The following TRAM2 variants were observed in gnomAD, a reference collection of about 807,000 sequenced individuals.
The protein encoded by TRAM2 is translocating chain-associated membrane protein 2.
TRAM2 carries 12 observed loss-of-function variants against 51.0 expected under a neutral mutation model. The observed-to-expected ratio is 0.24, with a 90% CI of 0.15 to 0.38. The LOEUF (loss-of-function observed/expected upper bound fraction) is 0.38, where lower values mean the gene tolerates loss of function less well. Among genes scored for constraint, TRAM2 ranks in the 10% least tolerant of loss-of-function variants. The pLI is 1.00. For synonymous variants in TRAM2, 175 were observed against 179.4 expected, an observed-to-expected ratio of 0.98 and a Z score of 0.20; for missense variants, 361 against 462.0, an observed-to-expected ratio of 0.78 and a Z score of 2.00.
intron 1 of TRAM2, among the ~76,000 whole-genome samples, chr6:52,574,662 G>C (rs1767734218): frequency 6.6e-6 from 1 of 152,178 alleles, no homozygotes; most frequent in African/African-American, 2.4e-5. Context: ...TAAGGGGGAG[G>C]AAGAGTAGTT....
At chr6:52,503,580 C>G (rs1056590244) in intron 10 of TRAM2, among the ~76,000 whole-genome samples, 1 of 152,170 alleles carries the variant, frequency 6.6e-6, no homozygotes, top group Admixed American at 6.5e-5. Flanking sequence ...CCAGCCTGCC[C>G]AAGCCTGAGG....
rs1766222130 is a variant in TRAM2, at chr6:52,501,510, C to T, written c.*1687G>A. ...ATTCCTGCACCTACCAAGAACTACT[C>T]CCCTTTGCCTCAAAACAGAGTTCGG... On this transcript the variant is annotated 3_prime_UTR_variant, in exon 11 of 11. Coordinates refer to ENST00000182527, the MANE Select transcript of TRAM2 (RefSeq NM_012288.4). 2 of 152,344 alleles carry T rather than the reference C, an allele frequency of 1.3e-5. No individual in the cohort carries two copies. Among genetic ancestry groups the T allele is most frequent in the Middle Eastern group, 6.8e-3 (2 of 294 alleles). The allele number at this position is 152,344 out of a possible 1,614,324, so 9.4% of individuals were successfully genotyped here.
chr6:52,550,424 C>T (rs1159662410), intron 1 of TRAM2, among the ~76,000 whole-genome samples: 1 of 152,190 alleles, frequency 6.6e-6, no homozygotes, highest in Non-Finnish European at 1.5e-5. Flanking sequence ...CCTCAATTAC[C>T]CCACCTGTTT....
rs1177088653 is a variant in TRAM2, at chr6:52,501,089, A to G, written c.*2108T>C. ...GCTGTTTGACTAAAGTGGCTAAGGG[A>G]TCCCATATCAGGTCTGCTGTGTTGA... On this transcript the variant is annotated 3_prime_UTR_variant, in exon 11 of 11. Transcript: ENST00000182527. 1 of 152,176 alleles carries G rather than the reference A, an allele frequency of 6.6e-6. No homozygotes were observed. The highest frequency in any genetic ancestry group is 1.5e-5 in the Non-Finnish European group (1 of 68,038). 9.4% of individuals were successfully genotyped at this position (152,176 alleles called of 1,614,324 possible).
intron 1 of TRAM2, among the ~76,000 whole-genome samples, chr6:52,553,084 TAC>T (rs1767338975): frequency 6.6e-6 from 1 of 152,228 alleles, no homozygotes; most frequent in African/African-American, 2.4e-5. Flanking sequence ...GCCAGGCATA[TAC>T]ACACAAACAT....
chr6:52,503,172 G>T lies in TRAM2; in HGVS notation c.*25C>A, dbSNP rs375684959. Reference sequence around the variant, plus strand: ...CCCCCTGCTCGGCCCCCACCAAGAGGATTCCTGTTCTTAGCACTTTGGCCT... The same window carrying T: ...CCCCCTGCTCGGCCCCCACCAAGAGTATTCCTGTTCTTAGCACTTTGGCCT... On this transcript the variant is annotated 3_prime_UTR_variant, in exon 11 of 11. Transcript: ENST00000182527. 4.0e-4 allele frequency: 647 copies of T among 1,605,672 alleles called. 1 individual carries two copies. The highest frequency in any genetic ancestry group is 5.3e-4 in the Non-Finnish European group (622 of 1,172,672).
chr6:52,507,611 G>A lies in TRAM2; in HGVS notation c.568C>T (p.Arg190Cys), dbSNP rs1766373159. Residue 190 changes from arginine to cysteine, a missense_variant, in exon 7 of 11, where the codon CGC (arginine) becomes TGC (cysteine). Coordinates refer to ENST00000182527, the MANE Select transcript of TRAM2 (RefSeq NM_012288.4). ...TACAGGCAAATATACTGGAGCTGGC[G>A]GGGAATTTCCTCCTGGAAACAAGAG... is the stretch of plus-strand genomic sequence containing the variant. ...FQKVRKEEIP[R>C]QLQYICLYLV... is the part of the protein sequence containing the mutation. The A allele has an allele frequency of 5.0e-6, 8 of 1,614,090 alleles. No homozygotes were observed. Among genetic ancestry groups the A allele is most frequent in the East Asian group, 2.2e-5 (1 of 44,878 alleles).
chr6:52,527,386 AAAAAGAAAAG>A (rs559866440), intron 2 of TRAM2, among the ~76,000 whole-genome samples: 1 of 151,678 alleles, frequency 6.6e-6, no homozygotes, highest in Non-Finnish European at 1.5e-5. Flanking sequence ...TCAAAAAAAA[AAAAAGAAAAG>A]AAAAGAAAAG....
At chr6:52,571,148 C>G (rs1415703606) in intron 1 of TRAM2, among the ~76,000 whole-genome samples, 1 of 151,890 alleles carries the variant, frequency 6.6e-6, no homozygotes, top group Non-Finnish European at 1.5e-5. Context: ...TTAAGAGATA[C>G]TATCAGTAAA....
At chr6:52,505,504 G>C in intron 9 of TRAM2, 95 bp downstream of exon 9, 1 of 1,467,540 alleles carries the variant, frequency 6.8e-7, no homozygotes, top group Non-Finnish European at 9.1e-7. Flanking sequence ...ATATGTGGGA[G>C]ACTAAAGGGT....
At chr6:52,573,007 C>T (rs553448273) in intron 1 of TRAM2, among the ~76,000 whole-genome samples, 2 of 152,122 alleles carry the variant, frequency 1.3e-5, no homozygotes, top group Non-Finnish European at 2.9e-5. Context: ...AAAAAGAAAC[C>T]AAACCTACAA....
intron 1 of TRAM2, among the ~76,000 whole-genome samples, chr6:52,569,056 G>T (rs1028713243): frequency 6.6e-6 from 1 of 152,166 alleles, no homozygotes; most frequent in African/African-American, 2.4e-5. Flanking sequence ...TCCAGCCAGG[G>T]TTTCAATCAA....
intron 1 of TRAM2, among the ~76,000 whole-genome samples, chr6:52,549,861 G>A (rs908618699): frequency 6.6e-6 from 1 of 152,230 alleles, no homozygotes; most frequent in Non-Finnish European, 1.5e-5. Context: ...AAAGTTAGAT[G>A]TGTTGCACTA....
chr6:52,509,653 G>T, intron 4 of TRAM2, 67 bp from the exon 5 acceptor site: 2 of 1,474,112 alleles, frequency 1.4e-6, no homozygotes, highest in South Asian at 1.1e-5. Flanking sequence ...CCCTGGGACC[G>T]GTCCAGGGGT....
At chr6:52,533,255 G>A (rs1439827274) in intron 2 of TRAM2, among the ~76,000 whole-genome samples, 1 of 152,198 alleles carries the variant, frequency 6.6e-6, no homozygotes, top group Non-Finnish European at 1.5e-5. Flanking sequence ...TACATTTTAT[G>A]TTATATAGAT....
At chr6:52,543,419 A>T (rs893427350) in intron 1 of TRAM2, among the ~76,000 whole-genome samples, 1 of 152,252 alleles carries the variant, frequency 6.6e-6, no homozygotes, top group South Asian at 2.1e-4. Context: ...GGCAGAGTTC[A>T]TATTACTGGT....
intron 1 of TRAM2, 49 bp from the exon 2 acceptor site, chr6:52,535,895 A>G: frequency 1.3e-6 from 2 of 1,549,132 alleles, no homozygotes; most frequent in Non-Finnish European, 1.8e-6. Flanking sequence ...GCCACATCAA[A>G]AGAAACAAGT....
chr6:52,530,122 G>T (rs1346760498), intron 2 of TRAM2, among the ~76,000 whole-genome samples: 1 of 152,142 alleles, frequency 6.6e-6, no homozygotes, highest in Non-Finnish European at 1.5e-5. Flanking sequence ...CTTTTAAAAA[G>T]ATATTTATTG....
At chr6:52,553,297 T>C (rs1767343159) in intron 1 of TRAM2, among the ~76,000 whole-genome samples, 1 of 152,240 alleles carries the variant, frequency 6.6e-6, no homozygotes, top group East Asian at 1.9e-4. Context: ...TCAACAAATG[T>C]ATTTGGTAGA....
Sources: allele counts gnomAD v4.1 joint callset (sites outside exome capture counted in the v4.1 genomes callset), GRCh38; gene constraint gnomAD v4.1.1; transcripts MANE v1.5; gene names NCBI Gene and HGNC (gene_info 2026-07-23, HGNC 2026-07-21).